The following CNTN6 variants were observed in gnomAD, a reference collection of about 807,000 sequenced individuals.
CNTN6 encodes the protein contactin-6.
A neutral mutation model predicts 122.8 loss-of-function variants in CNTN6; 137 were observed. The observed-to-expected ratio is 1.12, with a 90% CI of 0.97 to 1.29. The LOEUF (loss-of-function observed/expected upper bound fraction) is 1.29, where lower values mean the gene tolerates loss of function less well. CNTN6 is among the 50% of genes most tolerant of loss of function. CNTN6 has a pLI of 0.00. For missense variants in CNTN6, 1,634 were observed against 1,223.4 expected (o/e 1.34, Z -5.01); for synonymous variants, 570 against 426.0 (o/e 1.34, Z -4.16).
chr3:1,358,344 A>G (rs1038807925), intron 12 of CNTN6, among the ~76,000 whole-genome samples: 5 of 151,876 alleles, frequency 3.3e-5, no homozygotes, highest in South Asian at 2.1e-4. Flanking sequence ...AGAATTGGAA[A>G]TTTAGTAAAT....
At chr3:1,280,459 ATTTTTTT>A (rs71619483) in intron 5 of CNTN6, among the ~76,000 whole-genome samples, 3 of 66,652 alleles carry the variant, frequency 4.5e-5, no homozygotes, top group East Asian at 3.3e-4. Context: ...TGTAATACCA[ATTTTTTT>A]TTTTTTTTTT....
At chr3:1,340,121 G>A (rs921937289) in intron 11 of CNTN6, among the ~76,000 whole-genome samples, 2 of 152,016 alleles carry the variant, frequency 1.3e-5, no homozygotes, top group African/African-American at 2.4e-5. Flanking sequence ...ATCATACCGC[G>A]ATCAGTAAGT....
chr3:1,381,666 G>C (rs996836452), intron 17 of CNTN6, among the ~76,000 whole-genome samples: 2 of 152,108 alleles, frequency 1.3e-5, no homozygotes, highest in Non-Finnish European at 2.9e-5. Context: ...TTTACTTCCA[G>C]TTTTCTACCT....
chr3:1,093,896 T>C (rs1248068907), intron 1 of CNTN6, among the ~76,000 whole-genome samples: 1 of 152,120 alleles, frequency 6.6e-6, no homozygotes, highest in Non-Finnish European at 1.5e-5. Flanking sequence ...GGGGGGAAAA[T>C]TGGAATTCAT....
At chr3:1,317,491 C>T (rs1042256934) in intron 7 of CNTN6, among the ~76,000 whole-genome samples, 3 of 151,626 alleles carry the variant, frequency 2.0e-5, no homozygotes, top group Non-Finnish European at 1.5e-5. Context: ...GTTTGTTTTT[C>T]GGGGGGTGGG....
chr3:1,111,830 A>C (rs1024290402), intron 1 of CNTN6, among the ~76,000 whole-genome samples: 7 of 152,138 alleles, frequency 4.6e-5, no homozygotes, highest in African/African-American at 1.4e-4. Flanking sequence ...AAGTTTTGAA[A>C]AGTTGTGCCG....
intron 11 of CNTN6, among the ~76,000 whole-genome samples, chr3:1,336,506 T>C (rs577864380): frequency 1.3e-5 from 2 of 152,244 alleles, no homozygotes; most frequent in South Asian, 4.1e-4. Flanking sequence ...TTCCCCAGAA[T>C]TGAAATGAGC....
At position 1,373,641 on chromosome 3, in the gene CNTN6, C is replaced by T. The variant is rs1709426374; in HGVS notation, c.1824C>T (p.Asp608=). 5 of 1,612,432 alleles carry T rather than the reference C, an allele frequency of 3.1e-6. No homozygotes were observed. In the South Asian group the frequency reaches 4.4e-5, roughly 14 times the overall value. ...CTCCTGAGGATGTGCAAGTGGAAGA[C>T]ATTTCCAGTACTACTTCTCAACTAA... ...PGPPEDVQVE[D]ISSTTSQLSW... The change falls in exon 15 of 23, where the codon GAC becomes GAT. Residue 608 remains aspartate (D), a synonymous_variant. Coordinates refer to ENST00000446702, the MANE Select transcript of CNTN6 (RefSeq NM_001289080.2).
At chr3:1,141,520 A>G (rs960360471) in intron 1 of CNTN6, among the ~76,000 whole-genome samples, 5 of 152,192 alleles carry the variant, frequency 3.3e-5, no homozygotes, top group African/African-American at 1.2e-4. Context: ...CTGTACTTGA[A>G]CAGCAATAAC....
chr3:1,184,987 G>A (rs1270795413), intron 2 of CNTN6, among the ~76,000 whole-genome samples: 2 of 152,044 alleles, frequency 1.3e-5, no homozygotes, highest in East Asian at 1.9e-4. Context: ...TTACGTTAAT[G>A]TACACTTGGT....
At chr3:1,179,883 G>A (rs2093521768) in intron 2 of CNTN6, among the ~76,000 whole-genome samples, 1 of 152,112 alleles carries the variant, frequency 6.6e-6, no homozygotes, top group Admixed American at 6.6e-5. Context: ...TTTGTTTTAT[G>A]CCTGCAGCCA....
At chr3:1,331,781 G>C (rs1702325031) in intron 11 of CNTN6, among the ~76,000 whole-genome samples, 1 of 151,360 alleles carries the variant, frequency 6.6e-6, no homozygotes, top group Non-Finnish European at 1.5e-5. Flanking sequence ...GAAGTATGTG[G>C]GAACAAGAAA....
At chr3:1,328,005 G>C (rs1263024702) in intron 10 of CNTN6, among the ~76,000 whole-genome samples, 3 of 151,844 alleles carry the variant, frequency 2.0e-5, no homozygotes, top group Non-Finnish European at 1.5e-5. Context: ...ACCTCAACTT[G>C]ACAAAATCCT....
chr3:1,232,549 T>C (rs1334036240), intron 4 of CNTN6, among the ~76,000 whole-genome samples: 5 of 152,242 alleles, frequency 3.3e-5, no homozygotes, highest in Non-Finnish European at 7.3e-5. Flanking sequence ...ATTAGCTCCA[T>C]TGATCCTCAC....
Position 1,352,311 on chromosome 3 carries a change from A to G in CNTN6, c.1365-13A>G. 2 of 1,499,914 alleles carry G rather than the reference A, an allele frequency of 1.3e-6. No individual in the cohort carries two copies. Among genetic ancestry groups the G allele is most frequent in the Non-Finnish European group, 1.8e-6 (2 of 1,117,676 alleles). 92.9% of individuals were successfully genotyped at this position (1,499,914 alleles called of 1,614,324 possible). On this transcript the variant is annotated splice_polypyrimidine_tract_variant and intron_variant, in intron 11 of 22. Transcript: ENST00000446702. Reference sequence around the variant, plus strand: ...AGAGCCTTACTTCTATTAATGATGTATTTTCTTTTTAGAATATTTCTCTTG... The same window carrying G: ...AGAGCCTTACTTCTATTAATGATGTGTTTTCTTTTTAGAATATTTCTCTTG...
chr3:1,120,057 C>A (rs2091891538), intron 1 of CNTN6, among the ~76,000 whole-genome samples: 1 of 151,940 alleles, frequency 6.6e-6, no homozygotes, highest in Admixed American at 6.6e-5. Context: ...CAAATCACTA[C>A]CTTTTTCCTT....
In CNTN6 at chr3:1,385,767, C is replaced by A. The variant is rs779758489; in HGVS notation, c.2674C>A (p.Pro892Thr). 2 of 1,611,714 alleles carry A rather than the reference C, an allele frequency of 1.2e-6. No homozygotes were observed. Among genetic ancestry groups the A allele is most frequent in the Non-Finnish European group, 1.7e-6 (2 of 1,179,144 alleles). ...CACTGCTGGGACAGGGCCCTCAAGC[C>A]CCCCAGTCAATGTTACCACCAAAAA... is the stretch of plus-strand genomic sequence containing the variant. ...YNTAGTGPSS[P>T]PVNVTTKKSP... The change falls in exon 20 of 23, where the codon CCC becomes ACC. Residue 892 changes from proline to threonine, a missense_variant. Coordinates refer to ENST00000446702, the MANE Select transcript of CNTN6 (RefSeq NM_001289080.2).
intron 12 of CNTN6, among the ~76,000 whole-genome samples, chr3:1,361,734 C>G (rs1707492131): frequency 6.6e-6 from 1 of 152,084 alleles, no homozygotes; most frequent in South Asian, 2.1e-4. Flanking sequence ...ATGTTCACCA[C>G]AAATATTGTT....
intron 3 of CNTN6, among the ~76,000 whole-genome samples, chr3:1,222,226 CT>C (rs1559542495): frequency 6.6e-6 from 1 of 152,126 alleles, no homozygotes; most frequent in African/African-American, 2.4e-5. Context: ...ATTTGGGACA[CT>C]CAATTCAGAG....
Sources: allele counts gnomAD v4.1 joint callset (sites outside exome capture counted in the v4.1 genomes callset), GRCh38; gene constraint gnomAD v4.1.1; transcripts MANE v1.5; gene names NCBI Gene and HGNC (gene_info 2026-07-23, HGNC 2026-07-21).